Variants in ADORA2A observed in about 807,000 individuals in gnomAD.
ADORA2A encodes the protein adenosine receptor A2a.
Under a neutral mutation model 18.4 loss-of-function variants are expected in ADORA2A, and 11 were observed. That is an observed-to-expected ratio of 0.60 (90% CI 0.38 to 0.99). The LOEUF (loss-of-function observed/expected upper bound fraction) is 0.99. Ranked by LOEUF, ADORA2A falls within the 50% of genes least tolerant of loss-of-function variation. The pLI is 0.01. For synonymous variants in ADORA2A, 218 were observed against 237.3 expected, an observed-to-expected ratio of 0.92 and a Z score of 0.75; for missense variants, 449 against 556.1, an observed-to-expected ratio of 0.81 and a Z score of 1.94.
intron 2 of ADORA2A, among the ~76,000 whole-genome samples, chr22:24,439,072 C>CAT (rs1555878299): frequency 1.4e-5 from 1 of 73,094 alleles, no homozygotes; most frequent in Admixed American, 2.0e-4. Context: ...CCCCTTGCAC[C>CAT]TTTTTTTTTT....
intron 1 of ADORA2A, chr22:24,431,451 G>C (rs1175182875): frequency 2.2e-6 from 1 of 456,662 alleles, no homozygotes; most frequent in Non-Finnish European, 4.4e-6. Context: ...CTGTGTGTTT[G>C]AGCTCTGTCA....
rs1304649426 is a variant in ADORA2A, at chr22:24,433,516, C to G, written c.112C>G (p.Gln38Glu). The G allele has an allele frequency of 6.2e-7, 1 of 1,614,240 alleles. No homozygotes were observed. Among genetic ancestry groups the G allele is most frequent in the Non-Finnish European group, 8.5e-7 (1 of 1,180,052 alleles). ...CWAVWLNSNL[Q>E]NVTNYFVVSL... is the part of the protein sequence containing the mutation. ...GGCCGTGTGGCTCAACAGCAACCTG[C>G]AGAACGTCACCAACTACTTTGTGGT... The change falls in exon 2 of 3, where the codon CAG becomes GAG. Residue 38 changes from glutamine to glutamate, a missense_variant. Coordinates refer to ENST00000337539, the MANE Select transcript of ADORA2A (RefSeq NM_000675.6).
intron 1 of ADORA2A, chr22:24,432,086 T>G (rs888012996): frequency 3.2e-5 from 5 of 154,430 alleles, no homozygotes; most frequent in Non-Finnish European, 7.2e-5. Flanking sequence ...TAGTCATTCC[T>G]GGTGTCAGCC....
chr22:24,425,383 C>T (rs1280275189), upstream of ADORA2A, among the ~76,000 whole-genome samples: 1 of 135,558 alleles, frequency 7.4e-6, no homozygotes, highest in Non-Finnish European at 1.5e-5. Flanking sequence ...ATGGCAGGGG[C>T]GCCTCACAGG....
intron 2 of ADORA2A, 150 bp from the exon 3 acceptor site, chr22:24,440,433 A>G (rs1037139849): frequency 1.0e-4 from 74 of 732,344 alleles, no homozygotes; most frequent in South Asian, 5.9e-4. Context: ...ACTTAACGGA[A>G]GAGGATGCTG....
At chr22:24,433,935 A>G (rs1158011452) in intron 2 of ADORA2A, among the ~76,000 whole-genome samples, 199 bp downstream of exon 2, 1 of 152,178 alleles carries the variant, frequency 6.6e-6, no homozygotes. Context: ...ACTGACCCCT[A>G]TGGGCGCAGG....
intron 2 of ADORA2A, among the ~76,000 whole-genome samples, chr22:24,438,923 T>C (rs981330970): frequency 6.6e-6 from 1 of 152,040 alleles, no homozygotes; most frequent in Admixed American, 6.6e-5. Flanking sequence ...GGCGTACGTT[T>C]TGCATGGCGC....
chr22:24,433,813 GCCTGGGATCAGGGC>G, intron 2 of ADORA2A, 77 bp downstream of exon 2: 1 of 1,478,562 alleles, frequency 6.8e-7, no homozygotes, highest in Non-Finnish European at 9.1e-7. Flanking sequence ...GCCAGGGTGA[GCCTGGGATCAGGGC>G]CTGGTCTGCA....
chr22:24,427,120 G>T (rs1461069795), upstream of ADORA2A, among the ~76,000 whole-genome samples: 1 of 152,206 alleles, frequency 6.6e-6, no homozygotes, highest in Non-Finnish European at 1.5e-5. Flanking sequence ...CATCTGGGCA[G>T]GAGACTTCTC....
chr22:24,428,333 G>C (rs1269978018), intron 1 of ADORA2A, among the ~76,000 whole-genome samples: 1 of 152,198 alleles, frequency 6.6e-6, no homozygotes, highest in East Asian at 1.9e-4. Context: ...TTTCCTCCTA[G>C]ACTAGGTCTC....
At chr22:24,435,942 G>A in intron 2 of ADORA2A, among the ~76,000 whole-genome samples, 1 of 152,246 alleles carries the variant, frequency 6.6e-6, no homozygotes. Context: ...CTTGAGGGCA[G>A]AGAGCTTTGC....
upstream of ADORA2A, among the ~76,000 whole-genome samples, chr22:24,424,819 G>A (rs1399025559): frequency 6.6e-6 from 1 of 152,100 alleles, no homozygotes; most frequent in East Asian, 1.9e-4. This position sits in a 1 kb window ranked among gnomAD's most constrained non-coding sequence, Gnocchi z 4.9. Context: ...CGGCCCAAGG[G>A]CTTGAGGAGG....
At chr22:24,434,831 T>G (rs1003172949) in intron 2 of ADORA2A, among the ~76,000 whole-genome samples, 1 of 152,224 alleles carries the variant, frequency 6.6e-6, no homozygotes, top group Non-Finnish European at 1.5e-5. Context: ...TCATTTCCTC[T>G]CATCTTCGGG....
At chr22:24,431,367 GCTGCAGCCCGTGC>G (rs534372600) in intron 1 of ADORA2A, 6 of 456,536 alleles carry the variant, frequency 1.3e-5, no homozygotes, top group Non-Finnish European at 2.2e-5. Context: ...CCCAGGTATG[GCTGCAGCCCGTGC>G]CAATCCTGTT....
At position 24,441,440 on chromosome 22, in the gene ADORA2A, C is replaced by A; in HGVS notation, c.1190C>A (p.Pro397His). 1 of 1,522,388 alleles carries A rather than the reference C, an allele frequency of 6.6e-7. No individual in the cohort carries two copies. The highest frequency in any genetic ancestry group is 1.3e-5 in the South Asian group (1 of 75,810). The allele number at this position is 1,522,388 out of a possible 1,614,324, so 94.3% of individuals were successfully genotyped here. ...SHELKGVCPE[P>H]PGLDDPLAQD... ...GAGCTCAAGGGAGTGTGCCCAGAGC[C>A]CCCTGGCCTAGATGACCCCCTGGCC... Residue 397 changes from proline to histidine, a missense_variant, in exon 3 of 3, where the codon CCC becomes CAC. Coordinates refer to ENST00000337539, the MANE Select transcript of ADORA2A (RefSeq NM_000675.6).
rs771114928 is a variant in ADORA2A at position 24,440,703 on chromosome 22, G to A, written c.453G>A (p.Glu151=). 1.2e-5 allele frequency: 20 copies of A among 1,613,928 alleles called. No individual in the cohort carries two copies. Among genetic ancestry groups the A allele is most frequent in the Non-Finnish European group, 1.4e-5 (17 of 1,179,922 alleles). Residue 151 remains glutamate, a synonymous_variant, in exon 3 of 3, where the codon GAG becomes GAA. Transcript: ENST00000337539. ...LGWNNCGQPK[E]GKNHSQGCGE... Reference sequence around the variant, plus strand: ...GGAACAACTGCGGTCAGCCAAAGGAGGGCAAGAACCACTCCCAGGGCTGCG... The same window carrying A: ...GGAACAACTGCGGTCAGCCAAAGGAAGGCAAGAACCACTCCCAGGGCTGCG...
At chr22:24,428,473 GTAT>G (rs2042953134) in intron 1 of ADORA2A, among the ~76,000 whole-genome samples, 1 of 152,162 alleles carries the variant, frequency 6.6e-6, no homozygotes, top group Non-Finnish European at 1.5e-5. Flanking sequence ...CCTGGATTTT[GTAT>G]TATTTCTTGT....
chr22:24,433,125 T>A lies in ADORA2A; in HGVS notation c.-274-6T>A. On this transcript the variant is annotated splice_polypyrimidine_tract_variant and splice_region_variant and intron_variant, in intron 1 of 2. Transcript: ENST00000337539. ...GTTCAGCTTCTCATCGGCTGTCCCT[T>A]TGCAGGTGCCTCAGGAACCCTGAAG... 1.8e-6 allele frequency: 1 copy of A among 552,638 alleles called. No individual in the cohort carries two copies. The highest frequency in any genetic ancestry group is 3.2e-6 in the Non-Finnish European group (1 of 308,168). The allele number at this position is 552,638 out of a possible 1,614,324, so 34.2% of individuals were successfully genotyped here.
At chr22:24,426,547 A>G (rs529554367), upstream of ADORA2A, among the ~76,000 whole-genome samples, 1 of 152,234 alleles carries the variant, frequency 6.6e-6, no homozygotes, top group East Asian at 1.9e-4. Flanking sequence ...GGAGCAGAGG[A>G]GCCCAGATGG....
Sources: gnomAD v4.1 joint callset for allele counts (sites outside exome capture counted in the v4.1 genomes callset) on GRCh38, gnomAD v4.1.1 for gene constraint, Gnocchi (gnomAD v3.1) non-coding constraint, MANE v1.5 for transcripts, NCBI Gene and HGNC (gene_info 2026-07-23, HGNC 2026-07-21) for gene names.